The following CERS6 variants were observed in gnomAD, a reference collection of about 807,000 sequenced individuals.
CERS6 encodes LAG1 homolog, ceramide synthase 6.
CERS6 carries 26 observed loss-of-function variants against 56.8 expected under a neutral mutation model. The observed-to-expected ratio is 0.46, with a 90% confidence interval of 0.34 to 0.63. The LOEUF is 0.63. CERS6 is among the 30% of genes least tolerant of loss of function. CERS6 has a pLI of 0.01. For synonymous variants in CERS6, 164 were observed against 173.3 expected (o/e 0.95, Z 0.42); for missense variants, 415 against 467.5 (o/e 0.89, Z 1.04).
chr2:168,607,444 T>G (rs951368184), intron 3 of CERS6, among the ~76,000 whole-genome samples: 1 of 152,176 alleles, frequency 6.6e-6, no homozygotes, highest in East Asian at 1.9e-4. Context: ...TGCAGTGGCA[T>G]GATCTCAGCT....
At chr2:168,703,873 G>A (rs1278549555) in intron 6 of CERS6, among the ~76,000 whole-genome samples, 1 of 152,148 alleles carries the variant, frequency 6.6e-6, no homozygotes, top group Non-Finnish European at 1.5e-5. Flanking sequence ...TCTTAGGCCT[G>A]TGTCCTGTTT....
At chr2:168,648,440 C>T (rs1463684413) in intron 4 of CERS6, among the ~76,000 whole-genome samples, 1 of 151,950 alleles carries the variant, frequency 6.6e-6, no homozygotes, top group Non-Finnish European at 1.5e-5. Flanking sequence ...AGCTAGTGGC[C>T]TGTGTATCTT....
intron 3 of CERS6, among the ~76,000 whole-genome samples, chr2:168,616,473 T>C (rs1165209069): frequency 3.3e-5 from 5 of 152,176 alleles, no homozygotes; most frequent in African/African-American, 1.2e-4. Flanking sequence ...CAACCAACTA[T>C]TGCTGCCTTC....
intron 3 of CERS6, among the ~76,000 whole-genome samples, chr2:168,587,734 AAT>A (rs1683577565): frequency 6.6e-6 from 1 of 151,554 alleles, no homozygotes; most frequent in Admixed American, 6.6e-5. Context: ...TTAACATATT[AAT>A]ATATAATATG....
At chr2:168,690,816 A>G (rs1686480473) in intron 4 of CERS6, among the ~76,000 whole-genome samples, 1 of 152,180 alleles carries the variant, frequency 6.6e-6, no homozygotes, top group African/African-American at 2.4e-5. Context: ...AAAGCAGCCT[A>G]AAATACTACC....
chr2:168,475,418 T>C (rs1005163498), intron 1 of CERS6, among the ~76,000 whole-genome samples: 4 of 152,162 alleles, frequency 2.6e-5, no homozygotes, highest in Non-Finnish European at 4.4e-5. Flanking sequence ...GGATGGCTTT[T>C]TAAAAGTAAC....
At chr2:168,693,713 C>G (rs1299338296) in intron 5 of CERS6, among the ~76,000 whole-genome samples, 2 of 151,756 alleles carry the variant, frequency 1.3e-5, no homozygotes, top group African/African-American at 4.9e-5. Flanking sequence ...GGGCACTAAC[C>G]CCATTCATGG....
At chr2:168,465,763 A>G (rs1343607241) in intron 1 of CERS6, among the ~76,000 whole-genome samples, 5 of 152,198 alleles carry the variant, frequency 3.3e-5, no homozygotes, top group Non-Finnish European at 7.3e-5. Context: ...CAAGATGGAA[A>G]GAGTCCTGCA....
chr2:168,722,274 A>G (rs1683203223), intron 8 of CERS6, among the ~76,000 whole-genome samples: 1 of 152,218 alleles, frequency 6.6e-6, no homozygotes, highest in African/African-American at 2.4e-5. Flanking sequence ...CCTTTGAAGC[A>G]TAAAAGCGTT....
chr2:168,681,356 C>T (rs1000620827), intron 4 of CERS6, among the ~76,000 whole-genome samples: 5 of 152,084 alleles, frequency 3.3e-5, no homozygotes, highest in African/African-American at 1.2e-4. Context: ...ATAAATACTC[C>T]AAAGGCAGCT....
At chr2:168,625,800 T>G (rs1684578148) in intron 3 of CERS6, among the ~76,000 whole-genome samples, 1 of 152,144 alleles carries the variant, frequency 6.6e-6, no homozygotes, top group Admixed American at 6.5e-5. Context: ...TAATTGTTAA[T>G]AAGCTTAATA....
chr2:168,589,382 T>C (rs1164916159), intron 3 of CERS6, among the ~76,000 whole-genome samples: 1 of 152,154 alleles, frequency 6.6e-6, no homozygotes, highest in East Asian at 1.9e-4. Context: ...GGTATAAAGG[T>C]GTTGGCTGCT....
At chr2:168,514,205 C>T (rs563379410) in intron 1 of CERS6, among the ~76,000 whole-genome samples, 1 of 152,094 alleles carries the variant, frequency 6.6e-6, no homozygotes, top group Non-Finnish European at 1.5e-5. Flanking sequence ...AATTTTAAAC[C>T]CTTCTTTGCT....
intron 3 of CERS6, among the ~76,000 whole-genome samples, chr2:168,575,742 G>A (rs1364442206): frequency 6.6e-6 from 1 of 152,070 alleles, no homozygotes; most frequent in East Asian, 1.9e-4. Flanking sequence ...AATTTTATGA[G>A]AATTTATAAC....
intron 3 of CERS6, among the ~76,000 whole-genome samples, chr2:168,604,985 A>G (rs921196116): frequency 1.3e-5 from 2 of 152,202 alleles, no homozygotes; most frequent in East Asian, 1.9e-4. Context: ...GAATTGGGTA[A>G]TGGGCTTCTC....
chr2:168,577,128 C>T (rs906741454), intron 3 of CERS6, among the ~76,000 whole-genome samples: 5 of 151,960 alleles, frequency 3.3e-5, no homozygotes, highest in East Asian at 1.9e-4. Flanking sequence ...AGCCTCGAGA[C>T]GGTGCGAGAT....
rs535595905 is a variant in CERS6, at chr2:168,653,615, C to T, written c.465+22573C>T. Among the ~76,000 whole-genome samples the T allele has an allele frequency of 3.3e-5, 5 of 152,334 alleles. No homozygotes were observed. In the South Asian group the frequency reaches 1.0e-3, roughly 32 times the overall value. On this transcript the variant is annotated intron_variant, in intron 4 of 9. Transcript: ENST00000305747. The stretch of plus-strand genomic sequence containing the variant: ...TCTCTTCCATCCTTAGGTTTATCAG[C>T]TCCACGTGACTGCCTTTAAATCTCC...
chr2:168,510,625 A>G (rs1694762136), intron 1 of CERS6, among the ~76,000 whole-genome samples: 1 of 152,204 alleles, frequency 6.6e-6, no homozygotes, highest in Non-Finnish European at 1.5e-5. Flanking sequence ...GTTGTCATCA[A>G]TAAGTATTTG....
intron 8 of CERS6, among the ~76,000 whole-genome samples, chr2:168,750,576 G>A (rs1281246433): frequency 2.6e-5 from 4 of 152,048 alleles, no homozygotes; most frequent in Non-Finnish European, 1.5e-5. Context: ...TTCATTAAAT[G>A]TTCTTCTATA....
Sources: gnomAD v4.1 joint callset for allele counts (sites outside exome capture counted in the v4.1 genomes callset) on GRCh38, gnomAD v4.1.1 for gene constraint, MANE v1.5 for transcripts, NCBI Gene and HGNC (gene_info 2026-07-23, HGNC 2026-07-21) for gene names.